The following GNG7 variants were observed in gnomAD, a reference collection of about 807,000 sequenced individuals.
GNG7 encodes G protein subunit gamma 7.
Under a neutral mutation model 4.0 loss-of-function variants are expected in GNG7, and 1 was observed. That is an observed-to-expected ratio of 0.25 (90% CI 0.09 to 1.18). GNG7 has a LOEUF of 1.18. GNG7 is among the 50% of genes most tolerant of loss of function. The probability of loss-of-function intolerance (pLI) is 0.50; values close to 1 mark genes in which losing one functional copy is unlikely to be tolerated. For synonymous variants in GNG7, 34 were observed against 36.9 expected, an observed-to-expected ratio of 0.92 and a Z score of 0.29; for missense variants, 86 against 91.9, an observed-to-expected ratio of 0.94 and a Z score of 0.26.
chr19:2,661,271 AAAG>A (rs1568277674), intron 1 of GNG7, among the ~76,000 whole-genome samples: 2 of 45,758 alleles, frequency 4.4e-5, no homozygotes, highest in African/African-American at 9.7e-5. Flanking sequence ...GAAAGAAAGA[AAAG>A]AAAGAAAGAA....
At chr19:2,661,231 GGAAA>G (rs200061814) in intron 1 of GNG7, among the ~76,000 whole-genome samples, 10 of 95,264 alleles carry the variant, frequency 1.0e-4, no homozygotes, top group Non-Finnish European at 1.7e-4. Context: ...AAAAAGAAAA[GGAAA>G]GAAAGAAAGA....
chr19:2,592,613 C>T (rs958208779), intron 2 of GNG7, among the ~76,000 whole-genome samples: 1 of 151,600 alleles, frequency 6.6e-6, no homozygotes, highest in African/African-American at 2.4e-5. Flanking sequence ...GGTATGTGCC[C>T]ATGGTCCCAG....
intron 2 of GNG7, among the ~76,000 whole-genome samples, chr19:2,622,057 C>G (rs1450403056): frequency 6.6e-6 from 1 of 151,028 alleles, no homozygotes; most frequent in East Asian, 1.9e-4. Context: ...CTCTGCCTGC[C>G]CAAAACCCTC....
chr19:2,558,644 G>T (rs1419077632), intron 2 of GNG7, among the ~76,000 whole-genome samples: 1 of 151,868 alleles, frequency 6.6e-6, no homozygotes, highest in African/African-American at 2.4e-5. Context: ...CTGGGATTGT[G>T]GATGATTTTC....
rs60983729 is a variant in GNG7 at position 2,677,253 on chromosome 19, A to ATTTT, written c.-135+25389_-135+25392dup. 3.3e-3 allele frequency among the ~76,000 whole-genome samples: 479 copies of ATTTT among 145,558 alleles called. 1 individual carries two copies. Among genetic ancestry groups the ATTTT allele is most frequent in the Middle Eastern group, 0.014 (4 of 288 alleles). On this transcript the variant is annotated intron_variant, in intron 1 of 4. Coordinates refer to ENST00000382159, the MANE Select transcript of GNG7 (RefSeq NM_052847.3). Reference sequence around the variant, plus strand: ...ATGCCACAGGGGAGCAGAGAATTCCATTTTTTTTTTTTTGCTTCAATTCCT... The same window carrying ATTTT: ...ATGCCACAGGGGAGCAGAGAATTCCATTTTTTTTTTTTTTTTTGCTTCAATTCCT...
chr19:2,601,628 G>A (rs922184151), intron 2 of GNG7, among the ~76,000 whole-genome samples: 7 of 152,106 alleles, frequency 4.6e-5, no homozygotes, highest in African/African-American at 1.4e-4. Context: ...GAAAGGCAGT[G>A]AAGGCCGGGC....
intron 2 of GNG7, among the ~76,000 whole-genome samples, chr19:2,581,875 G>A (rs189270365): frequency 3.3e-5 from 5 of 152,238 alleles, no homozygotes; most frequent in African/African-American, 7.2e-5. Context: ...TCTGGGAGGG[G>A]ACAGGGAGGT....
chr19:2,607,203 A>G (rs1981411449), intron 2 of GNG7, among the ~76,000 whole-genome samples: 2 of 133,456 alleles, frequency 1.5e-5, no homozygotes, highest in South Asian at 2.7e-4. Flanking sequence ...CCTGGGCGAC[A>G]GAGCAAGACC....
At chr19:2,627,209 G>C (rs1398955445) in intron 2 of GNG7, among the ~76,000 whole-genome samples, 1 of 151,812 alleles carries the variant, frequency 6.6e-6, no homozygotes, top group African/African-American at 2.4e-5. Context: ...GACGCTGGGT[G>C]ATGTCTGGGG....
intron 2 of GNG7, among the ~76,000 whole-genome samples, chr19:2,576,891 C>T (rs937711960): frequency 2.0e-5 from 3 of 150,766 alleles, no homozygotes; most frequent in Non-Finnish European, 4.4e-5. Flanking sequence ...GCTATGTGGC[C>T]CAGGCTGGTC....
At chr19:2,681,127 G>A (rs187997106) in intron 1 of GNG7, among the ~76,000 whole-genome samples, 2 of 151,920 alleles carry the variant, frequency 1.3e-5, no homozygotes, top group Non-Finnish European at 2.9e-5. Context: ...GACTACAGGT[G>A]TGCCCCAGCA....
At chr19:2,552,036 G>A (rs574731384) in intron 3 of GNG7, among the ~76,000 whole-genome samples, 160 of 152,210 alleles carry the variant, frequency 1.1e-3, no homozygotes, top group African/African-American at 3.3e-3. Flanking sequence ...CCTGAGCTCC[G>A]CCTCCTGTCC....
Position 2,639,034 on chromosome 19 carries a change from C to T in GNG7, c.-78+7190G>A, listed in dbSNP as rs138877406. Among the ~76,000 whole-genome samples, 298 of 152,016 alleles carry T rather than the reference C, an allele frequency of 2.0e-3. 1 individual carries two copies. The highest frequency in any genetic ancestry group is 3.5e-3 in the Non-Finnish European group (238 of 67,966). ...GAAGGATCACTTGAGGTCAGGGGTT[C>T]GACACCAGCCTGGCCAACATGGTGA... On this transcript the variant is annotated intron_variant, in intron 2 of 4. Coordinates refer to ENST00000382159, the MANE Select transcript of GNG7 (RefSeq NM_052847.3).
intron 2 of GNG7, among the ~76,000 whole-genome samples, chr19:2,640,427 C>T (rs1278097329): frequency 6.6e-6 from 1 of 152,044 alleles, no homozygotes; most frequent in Admixed American, 6.5e-5. Flanking sequence ...GGGTGGATGT[C>T]GAGGTTTCTC....
intron 2 of GNG7, among the ~76,000 whole-genome samples, chr19:2,564,677 C>T (rs374479591): frequency 1.2e-3 from 181 of 152,172 alleles, no homozygotes; most frequent in African/African-American, 4.2e-3. Context: ...CGGCCACAAG[C>T]CAGACTCCTA....
chr19:2,689,193 T>A, intron 1 of GNG7, among the ~76,000 whole-genome samples: 1 of 131,508 alleles, frequency 7.6e-6, no homozygotes, highest in Non-Finnish European at 1.6e-5. Context: ...AAAATAAAAA[T>A]AATGCAAAAA....
At chr19:2,515,769 CAG>C (rs1340148359) in intron 4 of GNG7, among the ~76,000 whole-genome samples, 1 of 152,006 alleles carries the variant, frequency 6.6e-6, no homozygotes, top group Non-Finnish European at 1.5e-5. Flanking sequence ...GGCCTATCCA[CAG>C]AGACAGGAAG....
In GNG7 at chr19:2,514,968, C is replaced by CAGAGAG. The variant is rs34865250; in HGVS notation, c.*48_*53dup. The CAGAGAG allele has an allele frequency of 6.5e-4, 805 of 1,238,794 alleles. 4 individuals carry two copies. In the African/African-American group the frequency reaches 0.01, roughly 16 times the overall value. The allele number at this position is 1,238,794 out of a possible 1,614,324, so 76.7% of individuals were successfully genotyped here. A position where few individuals can be genotyped will look rare whatever the true frequency, so the allele number is the denominator to read the frequency against. On this transcript the variant is annotated 3_prime_UTR_variant, in exon 5 of 5. Coordinates refer to ENST00000382159, the MANE Select transcript of GNG7 (RefSeq NM_052847.3). The stretch of plus-strand genomic sequence containing the variant: ...GCCCTGCCTGAGACAGAGACAGAGA[C>CAGAGAG]AGAGAGAGAGAGAGAGAAAGAGAGA...
Position 2,665,613 on chromosome 19 carries a change from G to A in GNG7, c.-134-19333C>T, listed in dbSNP as rs116320784. Among the ~76,000 whole-genome samples the A allele has an allele frequency of 9.6e-3, 1,466 of 152,320 alleles. 25 individuals carry two copies. Among genetic ancestry groups the A allele is most frequent in the African/African-American group, 0.033 (1,370 of 41,566 alleles). ...ATGGCCAAGGTGGAGTGCTGGACAA[G>A]AGCTACTCCATTCTGACTTCACGAC... is the stretch of plus-strand genomic sequence containing the variant. On this transcript the variant is annotated intron_variant, in intron 1 of 4. Coordinates refer to ENST00000382159, the MANE Select transcript of GNG7 (RefSeq NM_052847.3).
Sources: gnomAD v4.1 joint callset for allele counts (sites outside exome capture counted in the v4.1 genomes callset) on GRCh38, gnomAD v4.1.1 for gene constraint, MANE v1.5 for transcripts, NCBI Gene and HGNC (gene_info 2026-07-23, HGNC 2026-07-21) for gene names.